The following CNOT6 variants were observed in gnomAD, a reference collection of about 807,000 sequenced individuals.
CNOT6 encodes the protein carbon catabolite repression 4 protein.
A neutral mutation model predicts 61.2 loss-of-function variants in CNOT6; 12 were observed. The observed-to-expected ratio is 0.20, with a 90% CI of 0.13 to 0.32. The LOEUF (loss-of-function observed/expected upper bound fraction) is 0.32, where lower values mean the gene tolerates loss of function less well. Ranked by LOEUF, CNOT6 falls within the 10% of genes least tolerant of loss-of-function variation. The probability of loss-of-function intolerance (pLI) is 1.00; values close to 1 mark genes in which losing one functional copy is unlikely to be tolerated. For synonymous variants in CNOT6, 225 were observed against 240.6 expected (o/e 0.94, Z 0.60); for missense variants, 405 against 663.9 (o/e 0.61, Z 4.28).
At chr5:180,548,924 G>T (rs545054161) in intron 2 of CNOT6, among the ~76,000 whole-genome samples, 2 of 152,320 alleles carry the variant, frequency 1.3e-5, no homozygotes, top group South Asian at 4.1e-4. Context: ...TTAGATTGTA[G>T]AAACCATTGA....
chr5:180,571,335 A>C lies in CNOT6; in HGVS notation c.1364A>C (p.Asn455Thr), dbSNP rs767176840. The C allele has an allele frequency of 1.2e-6, 2 of 1,614,132 alleles. No homozygotes were observed. The highest frequency in any genetic ancestry group is 1.7e-6 in the Non-Finnish European group (2 of 1,179,936). Reference protein sequence around the residue: ...SLTNFSCHGKNGTTNGRITHG... With the variant: ...SLTNFSCHGKTGTTNGRITHG... ...ACAAACTTCAGCTGTCATGGGAAGA[A>C]TGGAACCACCAATGGAAGGATCACT... Residue 455 changes from asparagine (N) to threonine (T), a missense_variant, in exon 11 of 12, where the codon AAT (asparagine) becomes ACT (threonine). Transcript: ENST00000261951.
At chr5:180,525,240 T>C (rs1758046810) in intron 1 of CNOT6, among the ~76,000 whole-genome samples, 1 of 152,208 alleles carries the variant, frequency 6.6e-6, no homozygotes, top group African/African-American at 2.4e-5. Context: ...AACCCATTTC[T>C]ATGTTTGAAA....
At chr5:180,558,272 C>T (rs1258398702) in intron 4 of CNOT6, among the ~76,000 whole-genome samples, 7 of 152,002 alleles carry the variant, frequency 4.6e-5, no homozygotes, top group East Asian at 1.9e-4. Context: ...CCAAGACAGA[C>T]GCATGGGAGG....
At position 180,546,693 on chromosome 5, in the gene CNOT6, C is replaced by T. The variant is rs537963159; in HGVS notation, c.113-3238C>T. On this transcript the variant is annotated intron_variant, in intron 2 of 11. Transcript: ENST00000261951. ...CCACGTATTCACTATTTCTGGTGTT[C>T]GTTTCTGTTAATGTAGATTTCCATC... Among the ~76,000 whole-genome samples, 45 of 152,222 alleles carry T rather than the reference C, an allele frequency of 3.0e-4. No individual in the cohort carries two copies. The South Asian group carries it at 8.1e-3, about 27-fold the overall frequency.
At chr5:180,571,104 C>T (rs1247120422) in intron 10 of CNOT6, 126 bp from the exon 11 acceptor site, 5 of 660,276 alleles carry the variant, frequency 7.6e-6, no homozygotes, top group African/African-American at 1.8e-5. Flanking sequence ...CAAGTCCTGG[C>T]AAATGTAAAA....
At chr5:180,514,190 G>A (rs62405524) in intron 1 of CNOT6, among the ~76,000 whole-genome samples, 70,352 of 151,668 alleles carry the variant, frequency 0.46, 17,410 homozygotes, top group Non-Finnish European at 0.56. Context: ...TTGGGAGGCC[G>A]AGGCGGGTGG....
rs1756504577 is a variant in CNOT6 at position 180,494,658 on chromosome 5, T to G, written c.-108T>G. 1 of 152,960 alleles carries G rather than the reference T, an allele frequency of 6.5e-6. No individual in the cohort carries two copies. The highest frequency in any genetic ancestry group is 1.8e-4 in the South Asian group (1 of 5,500). The allele number at this position is 152,960 out of a possible 1,614,324, so 9.5% of individuals were successfully genotyped here. On this transcript the variant is annotated 5_prime_UTR_variant, in exon 1 of 12. Coordinates refer to ENST00000261951, the MANE Select transcript of CNOT6 (RefSeq NM_001370472.1). Reference sequence around the variant, plus strand: ...AGAGGAGCGGCGGCGGTGGCGGCGCTGCAGCAGCGGGCGGGACTGGTATGG... The same window carrying G: ...AGAGGAGCGGCGGCGGTGGCGGCGCGGCAGCAGCGGGCGGGACTGGTATGG...
chr5:180,503,822 T>C (rs1757004048), intron 1 of CNOT6, among the ~76,000 whole-genome samples: 1 of 151,370 alleles, frequency 6.6e-6, no homozygotes, highest in Non-Finnish European at 1.5e-5. Context: ...GTCAGGATGG[T>C]CTCGATCTCC....
At chr5:180,559,045 G>A (rs1760041639) in intron 4 of CNOT6, among the ~76,000 whole-genome samples, 1 of 152,148 alleles carries the variant, frequency 6.6e-6, no homozygotes, top group South Asian at 2.1e-4. Flanking sequence ...CTAGGATATG[G>A]TCCATCCTGG....
chr5:180,538,014 G>A (rs1758802245), intron 2 of CNOT6, among the ~76,000 whole-genome samples: 1 of 151,132 alleles, frequency 6.6e-6, no homozygotes, highest in Non-Finnish European at 1.5e-5. Context: ...ACCAGCCTGG[G>A]CAACATGGTG....
chr5:180,557,246 C>T (rs775243097), intron 4 of CNOT6, among the ~76,000 whole-genome samples: 20 of 152,134 alleles, frequency 1.3e-4, no homozygotes, highest in Non-Finnish European at 2.5e-4. Context: ...TTATTCATTT[C>T]TCTAGGATAA....
intron 2 of CNOT6, among the ~76,000 whole-genome samples, chr5:180,544,256 C>T (rs1759194558): frequency 6.6e-6 from 1 of 152,228 alleles, no homozygotes; most frequent in Non-Finnish European, 1.5e-5. Context: ...CCCATACCAG[C>T]ATGGTGGATA....
At chr5:180,561,821 G>A (rs1224472930) in intron 4 of CNOT6, among the ~76,000 whole-genome samples, 1 of 152,210 alleles carries the variant, frequency 6.6e-6, no homozygotes, top group East Asian at 1.9e-4. Context: ...GATGGTGAAA[G>A]TCTTGACTCT....
chr5:180,565,960 G>C lies in CNOT6; in HGVS notation c.700G>C (p.Asp234His). 6.2e-7 allele frequency: 1 copy of C among 1,613,212 alleles called. No homozygotes were observed. Among genetic ancestry groups the C allele is most frequent in the Non-Finnish European group, 8.5e-7 (1 of 1,179,572 alleles). Residue 234 changes from aspartate to histidine, a missense_variant, in exon 7 of 12, where the codon GAT (aspartate) becomes CAT (histidine). Asp to His is a moderately conservative substitution (Grantham distance 81). Transcript: ENST00000261951. ...IIQEILSCNA[D>H]IVSLQEVETE... Reference sequence around the variant, plus strand: ...TCAAGAAATCTTGAGCTGCAATGCTGATATCGTAAGTCTTCAGGTAAGTCA... The same window carrying C: ...TCAAGAAATCTTGAGCTGCAATGCTCATATCGTAAGTCTTCAGGTAAGTCA...
intron 4 of CNOT6, among the ~76,000 whole-genome samples, chr5:180,556,252 C>G (rs1045056842): frequency 6.6e-6 from 1 of 152,044 alleles, no homozygotes; most frequent in Non-Finnish European, 1.5e-5. Context: ...ATGGTTGTTC[C>G]CAGAGGCTTG....
chr5:180,571,810 A>AC (rs1386938104), intron 11 of CNOT6, among the ~76,000 whole-genome samples: 1 of 151,978 alleles, frequency 6.6e-6, no homozygotes, highest in Non-Finnish European at 1.5e-5. Context: ...TGATTCTTCC[A>AC]CCTCAGCCTC....
In CNOT6 at chr5:180,578,297, C is replaced by T. The variant is rs975473945; in HGVS notation, c.*4097C>T. Reference sequence around the variant, plus strand: ...TGATATAAGGAATGGGCTCATGTGTCTTCCGTCTTTTGGAAGGAGGTTGAC... The same window carrying T: ...TGATATAAGGAATGGGCTCATGTGTTTTCCGTCTTTTGGAAGGAGGTTGAC... On this transcript the variant is annotated 3_prime_UTR_variant, in exon 12 of 12. Coordinates refer to ENST00000261951, the MANE Select transcript of CNOT6 (RefSeq NM_001370472.1). 1 of 152,600 alleles carries T rather than the reference C, an allele frequency of 6.6e-6. No homozygotes were observed. Among genetic ancestry groups the T allele is most frequent in the Non-Finnish European group, 1.5e-5 (1 of 68,054 alleles). The allele number at this position is 152,600 out of a possible 1,614,324, so 9.5% of individuals were successfully genotyped here.
intron 2 of CNOT6, chr5:180,534,069 AC>A (rs1350462187): frequency 2.6e-5 from 4 of 152,880 alleles, no homozygotes; most frequent in Non-Finnish European, 4.4e-5. Context: ...AGGCACTTTT[AC>A]CTCTATAGGG....
chr5:180,502,906 T>G (rs368320756), intron 1 of CNOT6, among the ~76,000 whole-genome samples: 1 of 152,350 alleles, frequency 6.6e-6, no homozygotes, highest in East Asian at 1.9e-4. Context: ...AAAACAATAT[T>G]TGATGAAGCT....
Sources: allele counts gnomAD v4.1 joint callset (sites outside exome capture counted in the v4.1 genomes callset), GRCh38; gene constraint gnomAD v4.1.1; transcripts MANE v1.5; gene names NCBI Gene and HGNC (gene_info 2026-07-23, HGNC 2026-07-21).